Variants in ZSWIM9 observed in about 807,000 individuals in gnomAD.
The protein encoded by ZSWIM9 is zinc finger SWIM-type containing 9.
In ZSWIM9, 11 loss-of-function variants were observed where a neutral mutation model predicts 25.0. That is an observed-to-expected ratio of 0.44 (90% CI 0.28 to 0.73). The LOEUF is 0.73. Ranked by LOEUF, ZSWIM9 falls within the 30% of genes least tolerant of loss-of-function variation. The pLI is 0.16. For missense variants in ZSWIM9, 1,070 were observed against 1,296.5 expected (o/e 0.83, Z 2.68); for synonymous variants, 562 against 582.1 (o/e 0.97, Z 0.50).
At chr19:48,172,939 G>A (rs1385361234) in intron 2 of ZSWIM9, among the ~76,000 whole-genome samples, 3 of 152,270 alleles carry the variant, frequency 2.0e-5, no homozygotes, top group African/African-American at 7.2e-5. Context: ...ACCAGAGACA[G>A]CCAGGGAAAC....
intron 2 of ZSWIM9, among the ~76,000 whole-genome samples, chr19:48,174,385 C>A (rs1859318486): frequency 6.6e-6 from 1 of 151,960 alleles, no homozygotes; most frequent in Admixed American, 6.6e-5. Context: ...AAACACATAA[C>A]CCTGGTGCCT....
At position 48,195,111 on chromosome 19, in the gene ZSWIM9, G is replaced by A; in HGVS notation, c.1047G>A (p.Leu349=). The change falls in exon 4 of 4, where the codon CTG becomes CTA. Residue 349 remains leucine (L), a synonymous_variant. Coordinates refer to ENST00000614654, the MANE Select transcript of ZSWIM9 (RefSeq NM_199341.4). This position sits in a 1 kb window ranked among gnomAD's most constrained non-coding sequence, Gnocchi z 5.8. Reference sequence around the variant, plus strand: ...GCCTGTGGTCGCGCCTGTGCCGCCTGGCTGGCGCGTCGTCGCCCGCAGCCT... The same window carrying A: ...GCCTGTGGTCGCGCCTGTGCCGCCTAGCTGGCGCGTCGTCGCCCGCAGCCT... The part of the protein sequence containing the change: ...DPGLWSRLCR[L]AGASSPAAYD... 8 of 1,467,290 alleles carry A rather than the reference G, an allele frequency of 5.5e-6. No individual in the cohort carries two copies. Among genetic ancestry groups the A allele is most frequent in the Non-Finnish European group, 6.3e-6 (7 of 1,114,772 alleles). The allele number at this position is 1,467,290 out of a possible 1,614,324, so 90.9% of individuals were successfully genotyped here.
Position 48,192,492 on chromosome 19 carries a change from TATATATACACACAC to T in ZSWIM9, c.589-2159_589-2146del, listed in dbSNP as rs1203479586. On this transcript the variant is annotated intron_variant, in intron 3 of 3. Transcript: ENST00000614654. ...AAAAAAAAAAAAAAATATATATATA[TATATATACACACAC>T]ACACACACACACATTTACATAGCCC... is the stretch of plus-strand genomic sequence containing the variant. Among the ~76,000 whole-genome samples the T allele has an allele frequency of 1.1e-3, 45 of 41,678 alleles. 10 individuals carry two copies. Among genetic ancestry groups the T allele is most frequent in the Admixed American group, 1.9e-3 (6 of 3,118 alleles). 27.3% of individuals were successfully genotyped at this position (41,678 alleles called of 152,430 possible).
Position 48,196,199 on chromosome 19 carries a change from T to C in ZSWIM9, c.2135T>C (p.Leu712Pro). The C allele has an allele frequency of 8.1e-7, 1 of 1,234,718 alleles. No individual in the cohort carries two copies. Among genetic ancestry groups the C allele is most frequent in the African/African-American group, 1.6e-5 (1 of 63,976 alleles). 76.5% of individuals were successfully genotyped at this position (1,234,718 alleles called of 1,614,324 possible). A position where few individuals can be genotyped will look rare whatever the true frequency, so the allele number is the denominator to read the frequency against. Residue 712 changes from leucine (L) to proline (P), a missense_variant, in exon 4 of 4, where the codon CTG (leucine) becomes CCG (proline). Transcript: ENST00000614654. The stretch of plus-strand genomic sequence containing the variant: ...GTGGGGGTCAAAAGAAGAAGGGGCC[T>C]GGAGGATATAGTTCTGGTCCAGCTG... ...ARVGVKRRRGLEDIVLVQLGD... is the reference protein window; with the variant it reads ...ARVGVKRRRGPEDIVLVQLGD...
At chr19:48,179,220 G>A (rs1434773184) in intron 2 of ZSWIM9, among the ~76,000 whole-genome samples, 2 of 151,840 alleles carry the variant, frequency 1.3e-5, no homozygotes, top group Admixed American at 6.6e-5. Context: ...GAATATGATG[G>A]TGCCATCATA....
chr19:48,196,648 C>T lies in ZSWIM9; in HGVS notation c.2584C>T (p.Leu862Phe). Residue 862 changes from leucine to phenylalanine, a missense_variant, in exon 4 of 4, where the codon CTT (leucine) becomes TTT (phenylalanine). Transcript: ENST00000614654. ...CCACTGGACCGGAGCTGGCTTTGCCCTTAAGGACGGCACCTCGGACTTCTT... is the reference window on the plus strand; with the variant it reads ...CCACTGGACCGGAGCTGGCTTTGCCTTTAAGGACGGCACCTCGGACTTCTT... Reference protein sequence around the residue: ...GFHWTGAGFALKDGTSDFFLD... With the variant: ...GFHWTGAGFAFKDGTSDFFLD... The T allele has an allele frequency of 1.6e-6, 2 of 1,232,746 alleles. No individual in the cohort carries two copies. Among genetic ancestry groups the T allele is most frequent in the South Asian group, 8.2e-5 (2 of 24,336 alleles). 76.4% of individuals were successfully genotyped at this position (1,232,746 alleles called of 1,614,324 possible).
At chr19:48,172,486 TTTTTTG>T (rs796176536) in intron 2 of ZSWIM9, among the ~76,000 whole-genome samples, 26 of 151,984 alleles carry the variant, frequency 1.7e-4, no homozygotes, top group African/African-American at 3.6e-4. Context: ...TTTTGTGTGG[TTTTTTG>T]TTTTTGTTTT....
In ZSWIM9 at chr19:48,171,999, C is replaced by T; in HGVS notation, c.197C>T (p.Thr66Met). 1 of 1,535,636 alleles carries T rather than the reference C, an allele frequency of 6.5e-7. No homozygotes were observed. Among genetic ancestry groups the T allele is most frequent in the Non-Finnish European group, 8.7e-7 (1 of 1,146,578 alleles). The change falls in exon 2 of 4, where the codon ACG becomes ATG. Residue 66 changes from threonine to methionine, a missense_variant. Around this residue, in one of 4 missense-constraint regions of ZSWIM9, gnomAD observed 265 missense variants for 339.0 expected, o/e 0.78. Transcript: ENST00000614654. ...CRWASAPPLY[T>M]LIDVLKYSYV... ...TGGGCCAGTGCGCCCCCGCTCTACA[C>T]GCTCATCGACGTGCTCAAGTACAGC...
In ZSWIM9 at chr19:48,195,644, G is replaced by A. The variant is rs940710114; in HGVS notation, c.1580G>A (p.Arg527Gln). 2.8e-6 allele frequency: 4 copies of A among 1,422,280 alleles called. No individual in the cohort carries two copies. The African/African-American group carries it at 4.4e-5, about 16-fold the overall frequency. The allele number at this position is 1,422,280 out of a possible 1,614,324, so 88.1% of individuals were successfully genotyped here. Residue 527 changes from arginine (R) to glutamine (Q), a missense_variant, in exon 4 of 4, where the codon CGG becomes CAG. By Grantham distance (43) the Arg-to-Gln change is conservative. Around this residue, in one of 4 missense-constraint regions of ZSWIM9, gnomAD observed 583 missense variants for 624.7 expected, o/e 0.93. Coordinates refer to ENST00000614654, the MANE Select transcript of ZSWIM9 (RefSeq NM_199341.4). This position sits in a 1 kb window ranked among gnomAD's most constrained non-coding sequence, Gnocchi z 5.8. ...CAGATCAGAGATTGGAGAGGGGGTC[G>A]GTTGGAGAATCAGAAGCCGAGGGGA... ...ALQIRDWRGG[R>Q]LENQKPRGLE...
At position 48,194,810 on chromosome 19, in the gene ZSWIM9, T is replaced by G. The variant is rs1238077687; in HGVS notation, c.746T>G (p.Val249Gly). 1.3e-6 allele frequency: 2 copies of G among 1,512,262 alleles called. No individual in the cohort carries two copies. Among genetic ancestry groups the G allele is most frequent in the African/African-American group, 2.8e-5 (2 of 70,494 alleles). 93.7% of individuals were successfully genotyped at this position (1,512,262 alleles called of 1,614,324 possible). The change falls in exon 4 of 4, where the codon GTG (valine) becomes GGG (glycine). Residue 249 changes from valine to glycine, a missense_variant. This residue lies in a region of ZSWIM9 where 38 missense variants were observed against 89.7 expected (regional missense o/e 0.42). Transcript: ENST00000614654. This position sits in a 1 kb window ranked among gnomAD's most constrained non-coding sequence, Gnocchi z 6.0. ...CTGGATCTGCTGGCCGTGCTGTGCG[T>G]GGACGGCTCGGGCCGTGCGCGCCAG... ...GALDLLAVLCVDGSGRARQAA... is the reference protein window; with the variant it reads ...GALDLLAVLCGDGSGRARQAA...
Position 48,182,935 on chromosome 19 carries a change from C to T in ZSWIM9, c.588+168C>T, listed in dbSNP as rs924260778. 2.9e-5 allele frequency: 18 copies of T among 619,270 alleles called. No individual in the cohort carries two copies. In the Admixed American group the frequency reaches 4.7e-4, roughly 16 times the overall value. 38.4% of individuals were successfully genotyped at this position (619,270 alleles called of 1,614,324 possible). A position where few individuals can be genotyped will look rare whatever the true frequency, so the allele number is the denominator to read the frequency against. On this transcript the variant is annotated intron_variant, in intron 3 of 3. Coordinates refer to ENST00000614654, the MANE Select transcript of ZSWIM9 (RefSeq NM_199341.4). The surrounding 1 kb of genome is among the most constrained non-coding windows in gnomAD (Gnocchi z 4.6). The stretch of plus-strand genomic sequence containing the variant: ...TACCGAGGCATTGGGGATGCAGCAG[C>T]AAACCAGACCCACGTGGTCTCTGTC...
In ZSWIM9 at chr19:48,196,334, G is replaced by C. The variant is rs1345643104; in HGVS notation, c.2270G>C (p.Arg757Pro). 1 of 1,233,220 alleles carries C rather than the reference G, an allele frequency of 8.1e-7. No homozygotes were observed. Among genetic ancestry groups the C allele is most frequent in the Non-Finnish European group, 1.0e-6 (1 of 988,896 alleles). The allele number at this position is 1,233,220 out of a possible 1,614,324, so 76.4% of individuals were successfully genotyped here. A position where few individuals can be genotyped will look rare whatever the true frequency, so the allele number is the denominator to read the frequency against. ...RGMEWGDAGG[R>P]CLGLGNGVVS... ...ATGGAGTGGGGAGACGCAGGAGGGC[G>C]GTGTCTAGGGCTGGGGAATGGAGTC... The change falls in exon 4 of 4, where the codon CGG (arginine) becomes CCG (proline). Residue 757 changes from arginine to proline, a missense_variant. Arg to Pro is a moderately radical substitution (Grantham distance 103). This residue lies in a region of ZSWIM9 where 583 missense variants were observed against 624.7 expected (regional missense o/e 0.93). Coordinates refer to ENST00000614654, the MANE Select transcript of ZSWIM9 (RefSeq NM_199341.4).
In ZSWIM9 at chr19:48,195,621, G is replaced by T. The variant is rs141761031; in HGVS notation, c.1557G>T (p.Gln519His). The change falls in exon 4 of 4, where the codon CAG becomes CAT. Residue 519 changes from glutamine to histidine, a missense_variant. Coordinates refer to ENST00000614654, the MANE Select transcript of ZSWIM9 (RefSeq NM_199341.4). This position sits in a 1 kb window ranked among gnomAD's most constrained non-coding sequence, Gnocchi z 5.8. Reference sequence around the variant, plus strand: ...AAGGTGAGAAGGGGAGGGCACTGCAGATCAGAGATTGGAGAGGGGGTCGGT... The same window carrying T: ...AAGGTGAGAAGGGGAGGGCACTGCATATCAGAGATTGGAGAGGGGGTCGGT... ...QFEGEKGRAL[Q>H]IRDWRGGRLE... is the part of the protein sequence containing the mutation. 6.6e-3 allele frequency: 9,445 copies of T among 1,424,942 alleles called. 51 individuals are homozygous for T. The highest frequency in any genetic ancestry group is 9.5e-3 in the Middle Eastern group (52 of 5,496). The allele number at this position is 1,424,942 out of a possible 1,614,324, so 88.3% of individuals were successfully genotyped here. A position where few individuals can be genotyped will look rare whatever the true frequency, so the allele number is the denominator to read the frequency against.
At chr19:48,175,738 G>A (rs554124855) in intron 2 of ZSWIM9, among the ~76,000 whole-genome samples, 1 of 152,220 alleles carries the variant, frequency 6.6e-6, no homozygotes, top group East Asian at 1.9e-4. Flanking sequence ...CCTTGCCAGA[G>A]GTTACACAGT....
At chr19:48,191,499 C>T (rs1402795240) in intron 3 of ZSWIM9, among the ~76,000 whole-genome samples, 2 of 152,168 alleles carry the variant, frequency 1.3e-5, no homozygotes, top group East Asian at 1.9e-4. Context: ...GCCACTGTGC[C>T]CAGCCTTAGC....
Position 48,196,782 on chromosome 19 carries a change from C to T in ZSWIM9, c.2718C>T (p.His906=), listed in dbSNP as rs2037172543. 4 of 1,235,098 alleles carry T rather than the reference C, an allele frequency of 3.2e-6. No individual in the cohort carries two copies. The highest frequency in any genetic ancestry group is 4.1e-5 in the Admixed American group (1 of 24,142). The allele number at this position is 1,235,098 out of a possible 1,614,324, so 76.5% of individuals were successfully genotyped here. A position where few individuals can be genotyped will look rare whatever the true frequency, so the allele number is the denominator to read the frequency against. ...ARLLTGAALF[H]MDLLRDCWGR... is the part of the protein sequence containing the mutation. Reference sequence around the variant, plus strand: ...TCCTCACTGGGGCTGCCTTATTCCACATGGACCTGCTCAGGGATTGCTGGG... The same window carrying T: ...TCCTCACTGGGGCTGCCTTATTCCATATGGACCTGCTCAGGGATTGCTGGG... Residue 906 remains histidine (H), a synonymous_variant, in exon 4 of 4, where the codon CAC becomes CAT. Coordinates refer to ENST00000614654, the MANE Select transcript of ZSWIM9 (RefSeq NM_199341.4).
At chr19:48,177,647 C>T (rs2036906538) in intron 2 of ZSWIM9, among the ~76,000 whole-genome samples, 1 of 152,120 alleles carries the variant, frequency 6.6e-6, no homozygotes, top group Non-Finnish European at 1.5e-5. Context: ...GAAGAGGTGA[C>T]CTACCCGGAG....
rs114965755 is a variant in ZSWIM9 at position 48,184,108 on chromosome 19, C to T, written c.588+1341C>T. On this transcript the variant is annotated intron_variant, in intron 3 of 3. Transcript: ENST00000614654. Reference sequence around the variant, plus strand: ...TGCTATGTCCTGTAATGTGATGGAGCGATAAGTTATCATCAAGGAGAAAAA... The same window carrying T: ...TGCTATGTCCTGTAATGTGATGGAGTGATAAGTTATCATCAAGGAGAAAAA... 3.8e-3 allele frequency among the ~76,000 whole-genome samples: 575 copies of T among 151,858 alleles called. 4 individuals carry two copies. Among genetic ancestry groups the T allele is most frequent in the African/African-American group, 0.013 (546 of 41,382 alleles).
rs1409196790 is a variant in ZSWIM9 at position 48,182,452 on chromosome 19, C to T, written c.276-3C>T. On this transcript the variant is annotated splice_polypyrimidine_tract_variant and splice_region_variant and intron_variant, in intron 2 of 3. Transcript: ENST00000614654. This position sits in a 1 kb window ranked among gnomAD's most constrained non-coding sequence, Gnocchi z 4.6. ...ACCAGGGCGGTGGTGGTTCCTCCCACAGGCCTCCCCAGCCCGGCTGCCCCG... is the reference window on the plus strand; with the variant it reads ...ACCAGGGCGGTGGTGGTTCCTCCCATAGGCCTCCCCAGCCCGGCTGCCCCG... 5 of 1,530,758 alleles carry T rather than the reference C, an allele frequency of 3.3e-6. No homozygotes were observed. The highest frequency in any genetic ancestry group is 4.4e-6 in the Non-Finnish European group (5 of 1,143,386). The allele number at this position is 1,530,758 out of a possible 1,614,324, so 94.8% of individuals were successfully genotyped here.
Sources: allele counts gnomAD v4.1 joint callset (sites outside exome capture counted in the v4.1 genomes callset), GRCh38; gene constraint gnomAD v4.1.1; regional missense constraint gnomAD v4.1.1; non-coding constraint Gnocchi (gnomAD v3.1); transcripts MANE v1.5; gene names NCBI Gene and HGNC (gene_info 2026-07-23, HGNC 2026-07-21).